GAN: variants seen among roughly 807,000 people sequenced by gnomAD.
GAN encodes the protein gigaxonin, also known as epididymis secretory sperm binding protein.
A neutral mutation model predicts 71.3 loss-of-function variants in GAN; 48 were observed. The observed-to-expected ratio is 0.67, with a 90% CI of 0.53 to 0.86. GAN has a LOEUF of 0.86. Among genes scored for constraint, GAN ranks in the 40% least tolerant of loss-of-function variants. The probability of loss-of-function intolerance (pLI) is 0.00; values close to 1 mark genes in which losing one functional copy is unlikely to be tolerated. For synonymous variants in GAN, 386 were observed against 276.8 expected (o/e 1.39, Z -3.92); for missense variants, 928 against 770.1 (o/e 1.21, Z -2.43).
At position 81,364,989 on chromosome 16, in the gene GAN, G is replaced by A. The variant is rs752800283; in HGVS notation, c.1252G>A (p.Ala418Thr). 6.2e-7 allele frequency: 1 copy of A among 1,614,050 alleles called. No homozygotes were observed. Among genetic ancestry groups the A allele is most frequent in the East Asian group, 2.2e-5 (1 of 44,868 alleles). ...TMVRKIGCYA[A>T]MKKKIYAMGG... Reference sequence around the variant, plus strand: ...CTGCTTTCAGATCGGCTGCTATGCAGCTATGAAAAAGAAAATCTACGCCAT... The same window carrying A: ...CTGCTTTCAGATCGGCTGCTATGCAACTATGAAAAAGAAAATCTACGCCAT... Residue 418 changes from alanine (A) to threonine (T), a missense_variant, in exon 8 of 11, where the codon GCT becomes ACT. Ala to Thr is a moderately conservative substitution (Grantham distance 58). Coordinates refer to ENST00000648994, the MANE Select transcript of GAN (RefSeq NM_022041.4).
intron 9 of GAN, among the ~76,000 whole-genome samples, chr16:81,373,310 G>T (rs16955197): frequency 0.037 from 5,605 of 152,230 alleles, 368 homozygotes; most frequent in African/African-American, 0.13. Flanking sequence ...CATTCCCAAG[G>T]TCCTCCTGAA....
In GAN at chr16:81,356,935, A is replaced by T; in HGVS notation, c.784A>T (p.Met262Leu). The T allele has an allele frequency of 1.9e-6, 3 of 1,613,920 alleles. No homozygotes were observed. Among genetic ancestry groups the T allele is most frequent in the South Asian group, 1.1e-5 (1 of 91,074 alleles). The change falls in exon 4 of 11, where the codon ATG (methionine) becomes TTG (leucine). Residue 262 changes from methionine (M) to leucine (L), a missense_variant. Coordinates refer to ENST00000648994, the MANE Select transcript of GAN (RefSeq NM_022041.4). ...CAGCCAGCCGCAGCAAGGGGAGGCG[A>T]TGCTGGCCAACTTCAAACCCCGGGG... is the stretch of plus-strand genomic sequence containing the variant. ...PLSQPQQGEA[M>L]LANFKPRGYS...
intron 1 of GAN, among the ~76,000 whole-genome samples, chr16:81,327,059 A>C (rs557111289): frequency 1.3e-5 from 2 of 152,356 alleles, no homozygotes; most frequent in Middle Eastern, 3.4e-3. Flanking sequence ...CAGAGTTTAG[A>C]GTCTTACTTT....
chr16:81,324,092 T>A (rs1909302826), intron 1 of GAN, among the ~76,000 whole-genome samples: 1 of 152,240 alleles, frequency 6.6e-6, no homozygotes, highest in Admixed American at 6.5e-5. Context: ...AAACTTCTGA[T>A]AGTCTGCCCT....
In GAN at chr16:81,379,269, G is replaced by A. The variant is rs1904293840; in HGVS notation, c.*1673G>A. ...GTGATTTTTTTTCTTATACCTGCTG[G>A]AAGTCAGTACAATGCGTCAAAAGTT... On this transcript the variant is annotated 3_prime_UTR_variant, in exon 11 of 11. Coordinates refer to ENST00000648994, the MANE Select transcript of GAN (RefSeq NM_022041.4). 1.3e-5 allele frequency: 2 copies of A among 152,142 alleles called. No individual in the cohort carries two copies. The highest frequency in any genetic ancestry group is 2.4e-5 in the African/African-American group (1 of 41,416). The allele number at this position is 152,142 out of a possible 1,614,324, so 9.4% of individuals were successfully genotyped here. A position where few individuals can be genotyped will look rare whatever the true frequency, so the allele number is the denominator to read the frequency against.
intron 1 of GAN, among the ~76,000 whole-genome samples, chr16:81,320,765 A>G (rs1476973980): frequency 6.6e-6 from 1 of 152,186 alleles, no homozygotes; most frequent in Non-Finnish European, 1.5e-5. Flanking sequence ...ATGGTGATGG[A>G]AAATAAGCTG....
chr16:81,383,760 C>T lies in GAN; in HGVS notation c.*6164C>T, dbSNP rs930310557. 5.9e-5 allele frequency: 9 copies of T among 151,972 alleles called. No individual in the cohort carries two copies. Among genetic ancestry groups the T allele is most frequent in the African/African-American group, 1.9e-4 (8 of 41,412 alleles). The allele number at this position is 151,972 out of a possible 1,614,324, so 9.4% of individuals were successfully genotyped here. On this transcript the variant is annotated 3_prime_UTR_variant, in exon 11 of 11. Coordinates refer to ENST00000648994, the MANE Select transcript of GAN (RefSeq NM_022041.4). ...AGGAACAGGTGGAAAAGGATGGCAACACACAGAGTCCGGGGGACACACGGC... is the reference window on the plus strand; with the variant it reads ...AGGAACAGGTGGAAAAGGATGGCAATACACAGAGTCCGGGGGACACACGGC...
At chr16:81,376,218 C>T (rs1597413230) in intron 9 of GAN, among the ~76,000 whole-genome samples, 1 of 151,778 alleles carries the variant, frequency 6.6e-6, no homozygotes, top group Non-Finnish European at 1.5e-5. Context: ...AATAACCTTA[C>T]CATATAGCCC....
intron 9 of GAN, among the ~76,000 whole-genome samples, chr16:81,376,465 A>ATGTGTG (rs56782049): frequency 0.077 from 9,815 of 126,964 alleles, 403 homozygotes; most frequent in Middle Eastern, 0.096. Context: ...ATACATACAT[A>ATGTGTG]TGTGTGTGTG....
At chr16:81,371,549 A>G (rs1187064389) in intron 9 of GAN, among the ~76,000 whole-genome samples, 1 of 152,196 alleles carries the variant, frequency 6.6e-6, no homozygotes, top group African/African-American at 2.4e-5. Flanking sequence ...CCAGTTCTCG[A>G]AGCCTCGGTC....
At chr16:81,319,394 C>T (rs760290726) in intron 1 of GAN, among the ~76,000 whole-genome samples, 2 of 151,932 alleles carry the variant, frequency 1.3e-5, no homozygotes, top group Non-Finnish European at 2.9e-5. Flanking sequence ...GTCTGAGGCT[C>T]TTCCGATTCT....
intron 9 of GAN, among the ~76,000 whole-genome samples, chr16:81,369,413 T>C (rs1467470171): frequency 6.6e-6 from 1 of 152,206 alleles, no homozygotes; most frequent in East Asian, 1.9e-4. Context: ...CCCCACTTAA[T>C]TCACCTAGAA....
intron 7 of GAN, 144 bp downstream of exon 7, chr16:81,364,087 C>A (rs956191605): frequency 2.7e-6 from 2 of 743,874 alleles, no homozygotes; most frequent in African/African-American, 1.7e-5. Context: ...CGGTAGTTTG[C>A]CTTCACTGTC....
chr16:81,329,341 C>T (rs1210521769), intron 1 of GAN, among the ~76,000 whole-genome samples: 1 of 152,124 alleles, frequency 6.6e-6, no homozygotes, highest in Non-Finnish European at 1.5e-5. Flanking sequence ...AATCCGTGTT[C>T]CTGGGTTGCC....
intron 3 of GAN, among the ~76,000 whole-genome samples, chr16:81,356,444 C>G (rs1332564472): frequency 6.6e-6 from 1 of 152,076 alleles, no homozygotes; most frequent in Non-Finnish European, 1.5e-5. Flanking sequence ...ATGGCACATC[C>G]AAATGTGTGA....
chr16:81,362,495 G>A lies in GAN; in HGVS notation c.974-4G>A, dbSNP rs1237092739. On this transcript the variant is annotated splice_region_variant and splice_polypyrimidine_tract_variant and intron_variant, in intron 5 of 10. Coordinates refer to ENST00000648994, the MANE Select transcript of GAN (RefSeq NM_022041.4). Reference sequence around the variant, plus strand: ...CATATTTGTGTTTCCTTTGATCTTTGCAGAAGGATTTTTGTTTGTATTCGG... The same window carrying A: ...CATATTTGTGTTTCCTTTGATCTTTACAGAAGGATTTTTGTTTGTATTCGG... 1 of 1,509,598 alleles carries A rather than the reference G, an allele frequency of 6.6e-7. No individual in the cohort carries two copies. The allele number at this position is 1,509,598 out of a possible 1,614,324, so 93.5% of individuals were successfully genotyped here.
At position 81,379,343 on chromosome 16, in the gene GAN, A is replaced by G. The variant is rs886052346; in HGVS notation, c.*1747A>G. 7 of 152,338 alleles carry G rather than the reference A, an allele frequency of 4.6e-5. No individual in the cohort carries two copies. In the East Asian group the frequency reaches 1.3e-3, roughly 29 times the overall value. 9.4% of individuals were successfully genotyped at this position (152,338 alleles called of 1,614,324 possible). On this transcript the variant is annotated 3_prime_UTR_variant, in exon 11 of 11. Coordinates refer to ENST00000648994, the MANE Select transcript of GAN (RefSeq NM_022041.4). ...GGTTCTAGAGAGTGTTGAGTGTGGT[A>G]CATTAACTCTCCATTTTAGCCAGAA...
chr16:81,339,534 A>C (rs1038279052), intron 1 of GAN, among the ~76,000 whole-genome samples: 2 of 152,240 alleles, frequency 1.3e-5, no homozygotes, highest in Non-Finnish European at 2.9e-5. Context: ...TTGTCAGCAT[A>C]CAGTGATAAA....
chr16:81,340,214 C>G (rs1328409269), intron 1 of GAN, among the ~76,000 whole-genome samples: 1 of 152,190 alleles, frequency 6.6e-6, no homozygotes, highest in Non-Finnish European at 1.5e-5. Context: ...GCCCGGATTA[C>G]AGGCGTGAGC....
Sources: gnomAD v4.1 joint callset for allele counts (sites outside exome capture counted in the v4.1 genomes callset) on GRCh38, gnomAD v4.1.1 for gene constraint, MANE v1.5 for transcripts, NCBI Gene and HGNC (gene_info 2026-07-23, HGNC 2026-07-21) for gene names.